ZNF502: variants seen among roughly 807,000 people sequenced by gnomAD.
ZNF502 encodes the protein zinc finger protein 502.
Under a neutral mutation model 43.6 loss-of-function variants are expected in ZNF502, and 29 were observed. The ratio of observed to expected loss-of-function variants is 0.67; its 90% CI spans 0.50 to 0.91. ZNF502 has a LOEUF of 0.91. Ranked by LOEUF, ZNF502 falls within the 40% of genes least tolerant of loss-of-function variation. ZNF502 has a pLI of 0.00. For synonymous variants in ZNF502, 171 were observed against 207.4 expected (o/e 0.82, Z 1.51); for missense variants, 591 against 647.2 (o/e 0.91, Z 0.94).
intron 1 of ZNF502, among the ~76,000 whole-genome samples, chr3:44,713,431 G>A (rs981330936): frequency 1.3e-5 from 2 of 152,300 alleles, no homozygotes; most frequent in East Asian, 1.9e-4. Flanking sequence ...TGTTTAGGAC[G>A]ATAAGGGCAT....
Position 44,722,824 on chromosome 3 carries a change from T to G in ZNF502, c.*372T>G, listed in dbSNP as rs565544009. 2.9e-5 allele frequency: 6 copies of G among 205,512 alleles called. No homozygotes were observed. The highest frequency in any genetic ancestry group is 1.4e-4 in the African/African-American group (6 of 44,006). 12.7% of individuals were successfully genotyped at this position (205,512 alleles called of 1,614,324 possible). A position where few individuals can be genotyped will look rare whatever the true frequency, so the allele number is the denominator to read the frequency against. ...TGGCTGGCAGGTTGAGATGTTTTTC[T>G]TAAACACTGCCTGTCAGTGTGAAGT... is the stretch of plus-strand genomic sequence containing the variant. On this transcript the variant is annotated 3_prime_UTR_variant, in exon 3 of 3. Coordinates refer to ENST00000436624, the MANE Select transcript of ZNF502 (RefSeq NM_001134442.3).
rs1335766324 is a variant in ZNF502 at position 44,721,465 on chromosome 3, T to TG, written c.651dup (p.Lys218GlufsTer23). The TG allele has an allele frequency of 1.2e-6, 2 of 1,614,058 alleles. No homozygotes were observed. The highest frequency in any genetic ancestry group is 1.7e-6 in the Non-Finnish European group (2 of 1,180,016). ...TGAAACCATATGGATGTGAGCAGTG[T>TG]GGGAAAACATTTCGATGTCGATCAT... On this transcript the variant is annotated frameshift_variant, in exon 3 of 3. Coordinates refer to ENST00000436624, the MANE Select transcript of ZNF502 (RefSeq NM_001134442.3). LOFTEE classifies it high-confidence loss of function.
In ZNF502 at chr3:44,720,223, T is replaced by C. The variant is rs747706515; in HGVS notation, c.-39T>C. On this transcript the variant is annotated 5_prime_UTR_variant, in exon 2 of 3. Transcript: ENST00000436624. Reference sequence around the variant, plus strand: ...AGCAGGGTTCCCAGTTTTCCAGACCTGAAGTGTTTTCCAATCAAAGCGAAG... The same window carrying C: ...AGCAGGGTTCCCAGTTTTCCAGACCCGAAGTGTTTTCCAATCAAAGCGAAG... 6 of 1,612,842 alleles carry C rather than the reference T, an allele frequency of 3.7e-6. No homozygotes were observed. Among genetic ancestry groups the C allele is most frequent in the Admixed American group, 1.7e-5 (1 of 60,020 alleles).
rs1245995894 is a variant in ZNF502 at position 44,723,227 on chromosome 3, A to G, written c.*775A>G. 1 of 152,222 alleles carries G rather than the reference A, an allele frequency of 6.6e-6. No homozygotes were observed. The highest frequency in any genetic ancestry group is 2.4e-5 in the African/African-American group (1 of 41,460). The allele number at this position is 152,222 out of a possible 1,614,324, so 9.4% of individuals were successfully genotyped here. A position where few individuals can be genotyped will look rare whatever the true frequency, so the allele number is the denominator to read the frequency against. On this transcript the variant is annotated 3_prime_UTR_variant, in exon 3 of 3. Coordinates refer to ENST00000436624, the MANE Select transcript of ZNF502 (RefSeq NM_001134442.3). ...CTGTTCAGAGAACCAGGAAGACTCA[A>G]TATCTATCTCAGAGGAAATATGGTT...
intron 1 of ZNF502, chr3:44,714,679 T>G (rs957450246): frequency 6.6e-6 from 1 of 152,254 alleles, no homozygotes; most frequent in African/African-American, 2.4e-5. Context: ...CAAGATGTCT[T>G]TCTTTCTCCG....
chr3:44,720,289 A>G lies in ZNF502; in HGVS notation c.28A>G (p.Arg10Gly), dbSNP rs1195665857. 2 of 1,614,052 alleles carry G rather than the reference A, an allele frequency of 1.2e-6. No individual in the cohort carries two copies. Among genetic ancestry groups the G allele is most frequent in the Non-Finnish European group, 1.7e-6 (2 of 1,180,020 alleles). MLNMQGAEE[R>G]DIRRETCPGW... ...GTTGAATATGCAAGGAGCTGAAGAG[A>G]GAGACATTAGAAGAGAGACTTGTCC... The change falls in exon 2 of 3, where the codon AGA (arginine) becomes GGA (glycine). Residue 10 changes from arginine to glycine, a missense_variant. Physicochemically the swap from Arg to Gly is moderately radical, Grantham distance 125. Coordinates refer to ENST00000436624, the MANE Select transcript of ZNF502 (RefSeq NM_001134442.3).
At chr3:44,716,392 G>A (rs1704146985) in intron 1 of ZNF502, among the ~76,000 whole-genome samples, 1 of 152,034 alleles carries the variant, frequency 6.6e-6, no homozygotes, top group South Asian at 2.1e-4. Context: ...GTTTCACCAT[G>A]TTGGGCAGGC....
In ZNF502 at chr3:44,721,293, A is replaced by C; in HGVS notation, c.476A>C (p.Glu159Ala). The C allele has an allele frequency of 6.2e-7, 1 of 1,614,180 alleles. No homozygotes were observed. Among genetic ancestry groups the C allele is most frequent in the Non-Finnish European group, 8.5e-7 (1 of 1,180,014 alleles). ...CTQKKSWKCN[E>A]CGKTFTQSSS... The stretch of plus-strand genomic sequence containing the variant: ...CAGAAAAAATCTTGGAAATGTAATG[A>C]ATGTGGAAAAACCTTTACTCAGAGC... Residue 159 changes from glutamate to alanine, a missense_variant, in exon 3 of 3, where the codon GAA (glutamate) becomes GCA (alanine). Transcript: ENST00000436624.
At chr3:44,716,191 T>C (rs1704138128) in intron 1 of ZNF502, among the ~76,000 whole-genome samples, 1 of 150,516 alleles carries the variant, frequency 6.6e-6, no homozygotes, top group Non-Finnish European at 1.5e-5. Flanking sequence ...ATATAGTCTT[T>C]TTTTTTTTTT....
At chr3:44,717,752 G>T (rs1704188511) in intron 1 of ZNF502, among the ~76,000 whole-genome samples, 1 of 152,030 alleles carries the variant, frequency 6.6e-6, no homozygotes, top group Non-Finnish European at 1.5e-5. Context: ...TCGAACTCCT[G>T]GACTCAAGTG....
In ZNF502 at chr3:44,721,640, G is replaced by T. The variant is rs1195548622; in HGVS notation, c.823G>T (p.Ala275Ser). ...KPYKCNRCGK[A>S]FNQNTHLIHH... Reference sequence around the variant, plus strand: ...TTATAAATGCAATAGGTGTGGGAAGGCATTCAATCAGAATACACACCTTAT... The same window carrying T: ...TTATAAATGCAATAGGTGTGGGAAGTCATTCAATCAGAATACACACCTTAT... Residue 275 changes from alanine to serine, a missense_variant, in exon 3 of 3, where the codon GCA becomes TCA. Transcript: ENST00000436624. The T allele has an allele frequency of 1.2e-6, 2 of 1,614,004 alleles. No homozygotes were observed.
At position 44,721,671 on chromosome 3, in the gene ZNF502, A is replaced by C. The variant is rs542805931; in HGVS notation, c.854A>C (p.His285Pro). 1 of 1,614,090 alleles carries C rather than the reference A, an allele frequency of 6.2e-7. No individual in the cohort carries two copies. The highest frequency in any genetic ancestry group is 1.7e-5 in the Admixed American group (1 of 60,032). The change falls in exon 3 of 3, where the codon CAT becomes CCT. Residue 285 changes from histidine to proline, a missense_variant. His to Pro is a moderately conservative substitution (Grantham distance 77). Coordinates refer to ENST00000436624, the MANE Select transcript of ZNF502 (RefSeq NM_001134442.3). ...AATCAGAATACACACCTTATTCATCATCAGAGAATTCACACTGGTGAGAAG... is the reference window on the plus strand; with the variant it reads ...AATCAGAATACACACCTTATTCATCCTCAGAGAATTCACACTGGTGAGAAG... ...AFNQNTHLIH[H>P]QRIHTGEKPY...
In ZNF502 at chr3:44,723,811, A is replaced by G. The variant is rs1704436433; in HGVS notation, c.*1359A>G. 1 of 150,744 alleles carries G rather than the reference A, an allele frequency of 6.6e-6. No homozygotes were observed. Among genetic ancestry groups the G allele is most frequent in the African/African-American group, 2.5e-5 (1 of 40,586 alleles). 9.3% of individuals were successfully genotyped at this position (150,744 alleles called of 1,614,324 possible). A position where few individuals can be genotyped will look rare whatever the true frequency, so the allele number is the denominator to read the frequency against. On this transcript the variant is annotated 3_prime_UTR_variant, in exon 3 of 3. Transcript: ENST00000436624. Reference sequence around the variant, plus strand: ...GCATTTTTAAAGTATGGCTATTAAAAACACTAAGTTGATTCTGGAATGCTT... The same window carrying G: ...GCATTTTTAAAGTATGGCTATTAAAGACACTAAGTTGATTCTGGAATGCTT...
Position 44,722,047 on chromosome 3 carries a change from T to C in ZNF502, c.1230T>C (p.Ser410=), listed in dbSNP as rs1704365465. The C allele has an allele frequency of 6.2e-7, 1 of 1,613,972 alleles. No homozygotes were observed. The highest frequency in any genetic ancestry group is 8.5e-7 in the Non-Finnish European group (1 of 1,180,014). Residue 410 remains serine (S), a synonymous_variant, in exon 3 of 3, where the codon AGT becomes AGC. Transcript: ENST00000436624. ...IHTGERPYKC[S]ECGKAFIQSI... ...CAGGGGAGAGACCCTACAAATGCAG[T>C]GAATGTGGTAAAGCCTTCATTCAGA...
chr3:44,719,455 T>C (rs1020040242), intron 1 of ZNF502, among the ~76,000 whole-genome samples: 6 of 152,264 alleles, frequency 3.9e-5, no homozygotes, highest in Non-Finnish European at 7.3e-5. Context: ...CTGCCAGTTC[T>C]GCTTCTCACT....
chr3:44,714,889 A>G (rs2125862647), intron 1 of ZNF502, among the ~76,000 whole-genome samples: 1 of 152,368 alleles, frequency 6.6e-6, no homozygotes, highest in East Asian at 1.9e-4. Context: ...CACATGGGCT[A>G]TTGGCAGAGC....
rs1405816627 is a variant in ZNF502, at chr3:44,723,477, T to C, written c.*1025T>C. ...GTTTGTTGGTCTTTAGGAGAAAGCA[T>C]TAGTAATGAAAGAAGAAAGAATTTT... On this transcript the variant is annotated 3_prime_UTR_variant, in exon 3 of 3. Transcript: ENST00000436624. The C allele has an allele frequency of 6.6e-6, 1 of 151,308 alleles. No individual in the cohort carries two copies. Among genetic ancestry groups the C allele is most frequent in the Non-Finnish European group, 1.5e-5 (1 of 67,952 alleles). The allele number at this position is 151,308 out of a possible 1,614,324, so 9.4% of individuals were successfully genotyped here.
intron 2 of ZNF502, 40 bp downstream of exon 2, chr3:44,720,356 C>G (rs1285694573): frequency 6.2e-7 from 1 of 1,602,438 alleles, no homozygotes; most frequent in Non-Finnish European, 8.5e-7. Flanking sequence ...AAATAGTCAG[C>G]CAATAGGAAG....
At chr3:44,713,604 G>C (rs1367502496) in intron 1 of ZNF502, among the ~76,000 whole-genome samples, 2 of 151,534 alleles carry the variant, frequency 1.3e-5, no homozygotes, top group Non-Finnish European at 2.9e-5. Flanking sequence ...TTTTGAGACG[G>C]GATTTCACTC....
Sources: allele counts gnomAD v4.1 joint callset (sites outside exome capture counted in the v4.1 genomes callset), GRCh38; gene constraint gnomAD v4.1.1; transcripts MANE v1.5; gene names NCBI Gene and HGNC (gene_info 2026-07-23, HGNC 2026-07-21).